Variants in SLC35F4 observed in about 807,000 individuals in gnomAD.
SLC35F4 encodes the protein solute carrier family 35 member F4.
In SLC35F4, 24 loss-of-function variants were observed where a neutral mutation model predicts 44.2. The observed-to-expected ratio is 0.54, with a 90% confidence interval of 0.39 to 0.76. The LOEUF (loss-of-function observed/expected upper bound fraction) is 0.76, where lower values mean the gene tolerates loss of function less well. SLC35F4 is among the 30% of genes least tolerant of loss of function. The pLI is 0.00. For missense variants in SLC35F4, 562 were observed against 586.1 expected (o/e 0.96, Z 0.42); for synonymous variants, 238 against 223.6 (o/e 1.06, Z -0.57).
chr14:57,919,984 C>A (rs939106147), intron 1 of SLC35F4, among the ~76,000 whole-genome samples: 77 of 152,126 alleles, frequency 5.1e-4, no homozygotes, highest in African/African-American at 1.8e-3. Context: ...ACATGCCTTG[C>A]CTCCTCTCAT....
At chr14:57,639,459 T>C (rs575269938) in intron 1 of SLC35F4, among the ~76,000 whole-genome samples, 8 of 152,128 alleles carry the variant, frequency 5.3e-5, no homozygotes, top group African/African-American at 1.9e-4. Context: ...TCTATAAAAT[T>C]TTGTGTTGGT....
At chr14:57,885,949 G>A (rs1249915663) in intron 1 of SLC35F4, among the ~76,000 whole-genome samples, 1 of 152,096 alleles carries the variant, frequency 6.6e-6, no homozygotes, top group Non-Finnish European at 1.5e-5. Context: ...ATTCCCACTA[G>A]GGTGTAAGGA....
intron 1 of SLC35F4, among the ~76,000 whole-genome samples, chr14:57,663,170 C>G (rs1234087791): frequency 6.6e-6 from 1 of 152,114 alleles, no homozygotes; most frequent in African/African-American, 2.4e-5. Flanking sequence ...GTCATGTATT[C>G]CCTACCAGGA....
At chr14:57,620,739 T>C (rs1331473317) in intron 1 of SLC35F4, among the ~76,000 whole-genome samples, 4 of 152,182 alleles carry the variant, frequency 2.6e-5, no homozygotes, top group Non-Finnish European at 5.9e-5. Flanking sequence ...TGAAGGGTTG[T>C]TGAATTTTGT....
intron 5 of SLC35F4, among the ~76,000 whole-genome samples, chr14:57,571,191 G>T (rs1380202074): frequency 6.6e-6 from 1 of 152,166 alleles, no homozygotes; most frequent in African/African-American, 2.4e-5. Flanking sequence ...GACTTTAAAA[G>T]TAGAGCTTTG....
At chr14:57,661,275 G>A (rs546889835) in intron 1 of SLC35F4, among the ~76,000 whole-genome samples, 9 of 152,216 alleles carry the variant, frequency 5.9e-5, no homozygotes, top group Non-Finnish European at 8.8e-5. Flanking sequence ...ATTACAGCCC[G>A]GGGACAGCAT....
intron 1 of SLC35F4, among the ~76,000 whole-genome samples, chr14:57,750,323 T>C (rs540202397): frequency 6.6e-6 from 1 of 152,336 alleles, no homozygotes; most frequent in South Asian, 2.1e-4. Context: ...TCCATATCTT[T>C]GCTATTCCAA....
intron 1 of SLC35F4, among the ~76,000 whole-genome samples, chr14:57,762,878 A>G (rs575023228): frequency 2.1e-4 from 32 of 152,282 alleles, no homozygotes; most frequent in African/African-American, 7.7e-4. Context: ...CTCTTACAGC[A>G]GCAAAAAAAG....
rs1197955650 is a variant in SLC35F4, at chr14:57,833,429, T to G, written c.103+32294A>C. On this transcript the variant is annotated intron_variant, in intron 1 of 7. Coordinates refer to ENST00000556826, the MANE Select transcript of SLC35F4 (RefSeq NM_001306087.2). ...TTGGGATAGAGCCCAGCCATCGGTA[T>G]GTTGTAAAAGCTCCCCAGGTGATTC... Among the ~76,000 whole-genome samples the G allele has an allele frequency of 3.9e-5, 6 of 152,336 alleles. No homozygotes were observed. The East Asian group carries it at 1.2e-3, about 29-fold the overall frequency.
chr14:57,844,978 G>A (rs1267044338), intron 1 of SLC35F4, among the ~76,000 whole-genome samples: 2 of 151,394 alleles, frequency 1.3e-5, no homozygotes, highest in African/African-American at 2.4e-5. Context: ...AGGCCATCTT[G>A]TTCAATCTCT....
upstream of SLC35F4, among the ~76,000 whole-genome samples, chr14:57,869,197 GTT>G (rs147513546): frequency 1.4e-5 from 2 of 142,528 alleles, no homozygotes; most frequent in African/African-American, 5.1e-5. Context: ...ACGTGTTGTG[GTT>G]TTTTTTTTTT....
rs183457563 is a variant in SLC35F4, at chr14:57,639,515, G to C, written c.104-45391C>G. On this transcript the variant is annotated intron_variant, in intron 1 of 7. Coordinates refer to ENST00000556826, the MANE Select transcript of SLC35F4 (RefSeq NM_001306087.2). ...GGTTTACCAAAACACAAGAGCCATG[G>C]GCTCTGTATTCAACTGAAGGTCATA... is the stretch of plus-strand genomic sequence containing the variant. 4.5e-4 allele frequency among the ~76,000 whole-genome samples: 68 copies of C among 152,040 alleles called. 1 individual carries two copies. The East Asian group carries it at 0.011, about 25-fold the overall frequency.
intron 1 of SLC35F4, among the ~76,000 whole-genome samples, chr14:57,937,065 T>TTGC (rs1248344223): frequency 1.7e-3 from 3 of 1,762 alleles, no homozygotes; most frequent in East Asian, 0.015. Flanking sequence ...TTTTACCTGC[T>TTGC]TTTTTTTTTT....
chr14:57,822,064 A>T (rs2140912682), intron 1 of SLC35F4, among the ~76,000 whole-genome samples: 1 of 152,308 alleles, frequency 6.6e-6, no homozygotes, highest in East Asian at 1.9e-4. Context: ...GGCAAATACA[A>T]GGAGGCAAGC....
chr14:57,788,986 A>G (rs1222989865), intron 1 of SLC35F4, among the ~76,000 whole-genome samples: 1 of 152,244 alleles, frequency 6.6e-6, no homozygotes, highest in African/African-American at 2.4e-5. Context: ...AAAGTGTACC[A>G]GAATCTCTGG....
chr14:57,736,556 CA>C (rs1459130713), intron 1 of SLC35F4, among the ~76,000 whole-genome samples: 2 of 152,150 alleles, frequency 1.3e-5, no homozygotes, highest in African/African-American at 4.8e-5. Flanking sequence ...GCTCTCTCCA[CA>C]TATTCAACAG....
At chr14:57,900,399 G>C (rs1024663836) in intron 1 of SLC35F4, among the ~76,000 whole-genome samples, 2 of 152,088 alleles carry the variant, frequency 1.3e-5, no homozygotes, top group Admixed American at 1.3e-4. Flanking sequence ...TGTTTAGGTC[G>C]GGGTCATGTG....
chr14:57,779,266 G>T (rs752401706), intron 1 of SLC35F4, among the ~76,000 whole-genome samples: 1 of 151,848 alleles, frequency 6.6e-6, no homozygotes, highest in African/African-American at 2.4e-5. Flanking sequence ...AGATCAGAAG[G>T]TCCAAATAAA....
At chr14:57,658,924 C>T (rs968627463) in intron 1 of SLC35F4, among the ~76,000 whole-genome samples, 1 of 151,944 alleles carries the variant, frequency 6.6e-6, no homozygotes, top group East Asian at 1.9e-4. Context: ...ATAGAACCTT[C>T]GAGTAGGAAG....
Sources: allele counts gnomAD v4.1 joint callset (sites outside exome capture counted in the v4.1 genomes callset), GRCh38; gene constraint gnomAD v4.1.1; transcripts MANE v1.5; gene names NCBI Gene and HGNC (gene_info 2026-07-23, HGNC 2026-07-21).